NAV3: variants seen among roughly 807,000 people sequenced by gnomAD.
NAV3 encodes the protein neuron navigator 3, also known as pore membrane and/or filament interacting like protein 1.
In NAV3, 87 loss-of-function variants were observed where a neutral mutation model predicts 244.7. The ratio of observed to expected loss-of-function variants is 0.36; its 90% CI spans 0.30 to 0.42. The LOEUF (loss-of-function observed/expected upper bound fraction) is 0.42. NAV3 is among the 20% of genes least tolerant of loss of function. NAV3 has a pLI of 1.00. For synonymous variants in NAV3, 1,126 were observed against 1,042.2 expected (o/e 1.08, Z -1.55); for missense variants, 2,663 against 2,893.3 (o/e 0.92, Z 1.83).
At chr12:77,935,966 C>G (rs780658769) in intron 1 of NAV3, among the ~76,000 whole-genome samples, 1 of 152,200 alleles carries the variant, frequency 6.6e-6, no homozygotes, top group Non-Finnish European at 1.5e-5. Context: ...CAGGCCCCTC[C>G]TCCAATACTG....
chr12:77,676,559 C>CTTTTTTTTTTT (rs35737201), intron 2 of NAV3, among the ~76,000 whole-genome samples: 1 of 145,092 alleles, frequency 6.9e-6, no homozygotes. Flanking sequence ...CCTTTAAAGC[C>CTTTTTTTTTTT]TTTTTTTTTT....
At chr12:78,099,120 A>T (rs1452430069) in intron 12 of NAV3, among the ~76,000 whole-genome samples, 2 of 151,660 alleles carry the variant, frequency 1.3e-5, no homozygotes, top group Non-Finnish European at 3.0e-5. Context: ...AATTCTAAAC[A>T]TAATCTCAAT....
intron 2 of NAV3, among the ~76,000 whole-genome samples, chr12:77,614,079 T>C (rs971186859): frequency 5.1e-5 from 7 of 137,016 alleles, no homozygotes; most frequent in South Asian, 4.8e-4. Context: ...TCTCTCTTTT[T>C]TTTTTTTTTT....
chr12:77,719,292 C>A (rs1271465421), intron 2 of NAV3, among the ~76,000 whole-genome samples: 1 of 151,946 alleles, frequency 6.6e-6, no homozygotes, highest in Non-Finnish European at 1.5e-5. Flanking sequence ...GACTTGGATG[C>A]CTTTTCTCTC....
intron 22 of NAV3, among the ~76,000 whole-genome samples, chr12:78,151,793 T>A (rs113790217): frequency 1.2e-3 from 177 of 151,486 alleles, no homozygotes; most frequent in African/African-American, 4.0e-3. Context: ...AGATATATAA[T>A]CATTGGGGGA....
rs184019413 is a variant in NAV3, at chr12:77,951,260, G to A, written c.414+10127G>A. 8.8e-3 allele frequency among the ~76,000 whole-genome samples: 1,338 copies of A among 152,260 alleles called. 49 individuals are homozygous for A. The highest frequency in any genetic ancestry group is 0.074 in the Admixed American group (1,134 of 15,280). On this transcript the variant is annotated intron_variant, in intron 3 of 39. Coordinates refer to ENST00000397909, the MANE Select transcript of NAV3 (RefSeq NM_001024383.2). The stretch of plus-strand genomic sequence containing the variant: ...TAACCCCATCAACAAGTGGGCGAAG[G>A]ATATGAACAGACACTTCTCAAAAGA...
chr12:77,746,490 C>T (rs1444461478), intron 2 of NAV3, among the ~76,000 whole-genome samples: 1 of 152,038 alleles, frequency 6.6e-6, no homozygotes, highest in Non-Finnish European at 1.5e-5. Context: ...TATATGTGTG[C>T]ATATATGTAT....
At chr12:77,984,738 C>A (rs1160207087) in intron 5 of NAV3, among the ~76,000 whole-genome samples, 1 of 152,192 alleles carries the variant, frequency 6.6e-6, no homozygotes, top group African/African-American at 2.4e-5. Context: ...TGTCATCTAT[C>A]ATTTCTTCAC....
chr12:78,011,080 A>G (rs1875191517), intron 8 of NAV3, among the ~76,000 whole-genome samples: 1 of 152,206 alleles, frequency 6.6e-6, no homozygotes, highest in African/African-American at 2.4e-5. Flanking sequence ...TCAAATAGAT[A>G]TAACTAAGAC....
chr12:78,148,398 C>T (rs10777790), intron 21 of NAV3, among the ~76,000 whole-genome samples: 50,827 of 151,000 alleles, frequency 0.34, 8,811 homozygotes, highest in East Asian at 0.48. Flanking sequence ...TTAAAATGTA[C>T]AGAGGAAAAA....
chr12:77,849,308 T>C (rs74623696), intron 1 of NAV3, among the ~76,000 whole-genome samples: 1,757 of 152,300 alleles, frequency 0.012, 28 homozygotes, highest in African/African-American at 0.04. Flanking sequence ...CATGATTTAC[T>C]TCATGTCTAT....
chr12:78,181,768 ATGTAT>A, intron 30 of NAV3, among the ~76,000 whole-genome samples: 2 of 152,146 alleles, frequency 1.3e-5, no homozygotes, highest in South Asian at 4.1e-4. Flanking sequence ...AACCAATAAT[ATGTAT>A]GTTCCTAGCC....
intron 1 of NAV3, among the ~76,000 whole-genome samples, chr12:77,842,057 G>A (rs1318250185): frequency 6.6e-6 from 1 of 152,142 alleles, no homozygotes; most frequent in Non-Finnish European, 1.5e-5. Context: ...AGATGTTCAA[G>A]ATTAAGCAAA....
chr12:77,772,605 A>G (rs903177331), intron 2 of NAV3, among the ~76,000 whole-genome samples: 1 of 152,198 alleles, frequency 6.6e-6, no homozygotes, highest in Non-Finnish European at 1.5e-5. Context: ...TTTTGAAGCC[A>G]AACTTAATTT....
chr12:78,137,089 A>G, intron 18 of NAV3, 88 bp from the exon 19 acceptor site: 1 of 1,229,074 alleles, frequency 8.1e-7, no homozygotes, highest in Non-Finnish European at 1.1e-6. Context: ...TTTCATAAGT[A>G]TTGGGATCAT....
intron 2 of NAV3, among the ~76,000 whole-genome samples, chr12:77,797,711 C>T (rs953387703): frequency 3.3e-5 from 5 of 150,588 alleles, no homozygotes; most frequent in Non-Finnish European, 5.9e-5. Flanking sequence ...GGTGGTGGTG[C>T]GTGCCTGTAA....
chr12:77,880,244 T>A (rs1882455419), intron 1 of NAV3, among the ~76,000 whole-genome samples: 1 of 152,158 alleles, frequency 6.6e-6, no homozygotes, highest in Non-Finnish European at 1.5e-5. Flanking sequence ...ATTTTTCATT[T>A]GGGGAAGATA....
intron 1 of NAV3, among the ~76,000 whole-genome samples, chr12:77,871,647 A>G (rs1592847049): frequency 6.6e-6 from 1 of 152,144 alleles, no homozygotes; most frequent in African/African-American, 2.4e-5. Context: ...ATAGTATTCC[A>G]TGGTGTATAT....
At chr12:78,145,096 A>G in intron 20 of NAV3, 1 of 306,438 alleles carries the variant, frequency 3.3e-6, no homozygotes, top group Non-Finnish European at 6.4e-6. Flanking sequence ...TTCAAAAACC[A>G]AACTGTGTAT....
Sources: allele counts gnomAD v4.1 joint callset (sites outside exome capture counted in the v4.1 genomes callset), GRCh38; gene constraint gnomAD v4.1.1; transcripts MANE v1.5; gene names NCBI Gene and HGNC (gene_info 2026-07-23, HGNC 2026-07-21).